Variants in TDRD12 observed in about 807,000 individuals in gnomAD.
TDRD12 encodes the protein putative ATP-dependent RNA helicase TDRD12.
TDRD12 carries 158 observed loss-of-function variants against 133.5 expected under a neutral mutation model. The ratio of observed to expected loss-of-function variants is 1.18; its 90% CI spans 1.04 to 1.35. The LOEUF (loss-of-function observed/expected upper bound fraction) is 1.35. Among genes scored for constraint, TDRD12 ranks in the 40% most tolerant of loss-of-function variants. The pLI is 0.00. For missense variants in TDRD12, 1,443 were observed against 1,321.3 expected (o/e 1.09, Z -1.43); for synonymous variants, 460 against 477.9 (o/e 0.96, Z 0.49).
intron 21 of TDRD12, among the ~76,000 whole-genome samples, chr19:32,805,504 T>A (rs1971521724): frequency 6.6e-6 from 1 of 152,138 alleles, no homozygotes; most frequent in Admixed American, 6.6e-5. Context: ...CATTCGGTTC[T>A]CACTGCATGA....
At chr19:32,740,601 C>A (rs1000936731) in intron 3 of TDRD12, among the ~76,000 whole-genome samples, 4 of 152,232 alleles carry the variant, frequency 2.6e-5, no homozygotes, top group South Asian at 4.1e-4. Context: ...CTGCTCTCTG[C>A]CTCTTCTGGG....
At chr19:32,731,494 A>C (rs1360706431) in intron 1 of TDRD12, among the ~76,000 whole-genome samples, 1 of 152,064 alleles carries the variant, frequency 6.6e-6, no homozygotes, top group Non-Finnish European at 1.5e-5. Flanking sequence ...AGAATATGGG[A>C]GATTGAGGAC....
At chr19:32,743,286 A>G (rs1969488354) in intron 4 of TDRD12, among the ~76,000 whole-genome samples, 1 of 152,120 alleles carries the variant, frequency 6.6e-6, no homozygotes, top group Admixed American at 6.5e-5. Flanking sequence ...GGTTCCAGCA[A>G]TCCTCCTACC....
downstream of TDRD12, chr19:32,824,457 G>T (rs550675621): frequency 1.3e-5 from 2 of 153,192 alleles, no homozygotes; most frequent in East Asian, 3.9e-4. Context: ...CATGTGGCCC[G>T]GCTCGGGGGC....
intron 9 of TDRD12, 71 bp downstream of exon 32, chr19:32,826,820 T>G (rs1330357847): frequency 1.0e-6 from 1 of 983,160 alleles, no homozygotes. Context: ...CATCACCCAC[T>G]TAGGAATTCA....
chr19:32,732,099 G>T (rs12983865), intron 2 of TDRD12, among the ~76,000 whole-genome samples: 74,798 of 151,886 alleles, frequency 0.49, 18,538 homozygotes, highest in Middle Eastern at 0.54. Flanking sequence ...CGTGTCTCGG[G>T]TTCAAGCACT....
exon 21 of TDRD12, chr19:32,803,032 C>T: frequency 6.5e-7 from 1 of 1,535,998 alleles, no homozygotes; most frequent in Middle Eastern, 1.7e-4. Context: ...GAGCGGACGC[C>T]AAGGTCCCCG....
At chr19:32,755,686 A>G (rs1483087379) in intron 6 of TDRD12, among the ~76,000 whole-genome samples, 1 of 152,224 alleles carries the variant, frequency 6.6e-6, no homozygotes, top group Non-Finnish European at 1.5e-5. Flanking sequence ...CTTTCCTTTG[A>G]TGGTTCGTGT....
intron 16 of TDRD12, among the ~76,000 whole-genome samples, chr19:32,799,728 CTTTTTTTTTTT>C (rs71176153): frequency 3.8e-5 from 3 of 78,434 alleles, no homozygotes; most frequent in African/African-American, 1.7e-4. Flanking sequence ...TAGTTTTTGC[CTTTTTTTTTTT>C]TTTTTTTTTT....
chr19:32,809,372 C>T (rs1966920165), intron 22 of TDRD12, among the ~76,000 whole-genome samples: 1 of 152,178 alleles, frequency 6.6e-6, no homozygotes, highest in South Asian at 2.1e-4. Flanking sequence ...TCTCTGTTCT[C>T]AGGTCTATTG....
chr19:32,758,820 A>G (rs1970069517), intron 8 of TDRD12, among the ~76,000 whole-genome samples: 1 of 151,994 alleles, frequency 6.6e-6, no homozygotes, highest in Admixed American at 6.6e-5. Flanking sequence ...CTGTAGTCCC[A>G]GCTACTCGGG....
At chr19:32,829,557 A>G (rs996955427), downstream of TDRD12, 4 of 152,256 alleles carry the variant, frequency 2.6e-5, no homozygotes, top group African/African-American at 9.6e-5. Flanking sequence ...TATCATCAAT[A>G]AAATTTCACT....
chr19:32,731,044 T>C (rs943059303), intron 1 of TDRD12, among the ~76,000 whole-genome samples: 1 of 152,194 alleles, frequency 6.6e-6, no homozygotes, highest in African/African-American at 2.4e-5. Flanking sequence ...CTTTTCACTT[T>C]ATATTTGTGT....
intron 26 of TDRD12, 107 bp from the exon 27 acceptor site, chr19:32,817,982 A>G (rs1967239912): frequency 5.9e-6 from 4 of 681,736 alleles, no homozygotes; most frequent in Admixed American, 4.5e-5. Context: ...AAAAAAAAAA[A>G]AAGTGTTTTT....
intron 10 of TDRD12, 49 bp downstream of exon 10, chr19:32,773,581 C>G (rs1223931221): frequency 6.6e-7 from 1 of 1,507,608 alleles, no homozygotes; most frequent in South Asian, 1.2e-5. Context: ...GCCTGTAGTC[C>G]CAGCTACTGG....
intron 11 of TDRD12, among the ~76,000 whole-genome samples, chr19:32,790,059 C>T (rs566974495): frequency 4.6e-4 from 70 of 152,086 alleles, no homozygotes; most frequent in Non-Finnish European, 8.4e-4. Context: ...TAGGAAGGAG[C>T]GCAGTTTGCC....
chr19:32,829,135 T>C (rs1307790033), exon 10 of TDRD12: 3 of 152,270 alleles, frequency 2.0e-5, no homozygotes, highest in Admixed American at 6.5e-5. Flanking sequence ...GCTGCCCTGT[T>C]GGTGGAGCTC....
chr19:32,800,573 C>T, intron 17 of TDRD12, 71 bp from the exon 18 acceptor site: 3 of 1,303,138 alleles, frequency 2.3e-6, no homozygotes, highest in Non-Finnish European at 3.0e-6. Flanking sequence ...AAAATCCCAA[C>T]ACCTGTGGAA....
At chr19:32,779,493 T>C (rs1306294350) in intron 11 of TDRD12, among the ~76,000 whole-genome samples, 1 of 152,124 alleles carries the variant, frequency 6.6e-6, no homozygotes, top group Non-Finnish European at 1.5e-5. Context: ...ACCACCAGGA[T>C]CCCCTTGGGA....
Sources: gnomAD v4.1 joint callset for allele counts (sites outside exome capture counted in the v4.1 genomes callset) on GRCh38, gnomAD v4.1.1 for gene constraint, MANE v1.5 for transcripts, NCBI Gene and HGNC (gene_info 2026-07-23, HGNC 2026-07-21) for gene names.